The following LRP2 variants were observed in gnomAD, a reference collection of about 807,000 sequenced individuals.
The protein encoded by LRP2 is LDL receptor related protein 2.
LRP2 carries 172 observed loss-of-function variants against 531.0 expected under a neutral mutation model. The observed-to-expected ratio is 0.32, with a 90% CI of 0.29 to 0.37. LRP2 has a LOEUF of 0.37. Among genes scored for constraint, LRP2 ranks in the 10% least tolerant of loss-of-function variants. The pLI, the probability that LRP2 is intolerant of heterozygous loss-of-function variation, is 1.00. For synonymous variants in LRP2, 1,992 were observed against 2,027.6 expected (o/e 0.98, Z 0.47); for missense variants, 5,167 against 5,868.3 (o/e 0.88, Z 3.90).
intron 1 of LRP2, among the ~76,000 whole-genome samples, chr2:169,345,743 G>A (rs1685677536): frequency 1.6e-5 from 2 of 128,782 alleles, no homozygotes; most frequent in African/African-American, 6.7e-5. Context: ...AAAAGGAAAA[G>A]AGGGGGCGGT....
intron 57 of LRP2, among the ~76,000 whole-genome samples, chr2:169,172,858 T>G (rs763403994): frequency 6.6e-6 from 1 of 152,212 alleles, no homozygotes; most frequent in Non-Finnish European, 1.5e-5. Context: ...TTCTAACATC[T>G]TAATAACGTC....
At chr2:169,157,610 T>C (rs369250597) in intron 63 of LRP2, 108 bp from the exon 64 acceptor site, 1 of 1,264,548 alleles carries the variant, frequency 7.9e-7, no homozygotes, top group Non-Finnish European at 1.1e-6. Context: ...CATCTTGAGA[T>C]AACCCCTTTC....
At chr2:169,269,066 A>G (rs895985995) in intron 16 of LRP2, among the ~76,000 whole-genome samples, 3 of 152,196 alleles carry the variant, frequency 2.0e-5, no homozygotes, top group African/African-American at 7.2e-5. Flanking sequence ...GGACCTCTTC[A>G]AGGAGAACTA....
chr2:169,137,496 G>T lies in LRP2; in HGVS notation c.13519-3C>A. 1 of 1,541,498 alleles carries T rather than the reference G, an allele frequency of 6.5e-7. No homozygotes were observed. The highest frequency in any genetic ancestry group is 9.0e-7 in the Non-Finnish European group (1 of 1,114,412). ...ATTTCCATGACAAAGTCTTCACTCT[G>T]ATGGCAGAGACAGAAAGAGAGAGAG... is the stretch of plus-strand genomic sequence containing the variant. On this transcript the variant is annotated splice_polypyrimidine_tract_variant and splice_region_variant and intron_variant, in intron 75 of 78. Coordinates refer to ENST00000649046, the MANE Select transcript of LRP2 (RefSeq NM_004525.3).
In LRP2 at chr2:169,185,902, G is replaced by A; in HGVS notation, c.9446C>T (p.Thr3149Ile). ...TGTGCATTCATCAATATCAACACAA[G>A]TCCGCTTGTCAGACATGAGCTTGTA... ...PGYKLMSDKR[T>I]CVDIDECTEM... The change falls in exon 50 of 79, where the codon ACT becomes ATT. Residue 3149 changes from threonine to isoleucine, a missense_variant. Around this residue, in one of 6 missense-constraint regions of LRP2, gnomAD observed 1,129 missense variants for 1,362.7 expected, o/e 0.83. Coordinates refer to ENST00000649046, the MANE Select transcript of LRP2 (RefSeq NM_004525.3). The A allele has an allele frequency of 1.2e-6, 2 of 1,613,896 alleles. No homozygotes were observed. Among genetic ancestry groups the A allele is most frequent in the East Asian group, 2.2e-5 (1 of 44,868 alleles).
intron 3 of LRP2, among the ~76,000 whole-genome samples, chr2:169,317,447 A>G (rs1244635848): frequency 6.6e-6 from 1 of 152,200 alleles, no homozygotes; most frequent in Non-Finnish European, 1.5e-5. Flanking sequence ...TTGAGACTTG[A>G]GCAGCTTTTA....
intron 58 of LRP2, 103 bp downstream of exon 58, chr2:169,171,911 TC>T: frequency 7.2e-7 from 1 of 1,396,852 alleles, no homozygotes; most frequent in Admixed American, 1.7e-5. Context: ...CTTGATATCA[TC>T]CTACCCATTG....
At chr2:169,300,459 A>T (rs1376216942) in intron 4 of LRP2, among the ~76,000 whole-genome samples, 1 of 152,122 alleles carries the variant, frequency 6.6e-6, no homozygotes, top group Non-Finnish European at 1.5e-5. Context: ...TCAGTTGGAT[A>T]TATCACATAT....
intron 8 of LRP2, among the ~76,000 whole-genome samples, chr2:169,290,291 T>C (rs1040389150): frequency 4.0e-5 from 5 of 124,166 alleles, no homozygotes; most frequent in Admixed American, 1.6e-4. Flanking sequence ...TTTTTTTTTT[T>C]TTAGTACAGC....
chr2:169,182,077 G>A (rs1687459687), intron 51 of LRP2, 90 bp downstream of exon 51: 4 of 1,527,880 alleles, frequency 2.6e-6, no homozygotes, highest in Non-Finnish European at 2.7e-6. Flanking sequence ...CAAGACATTG[G>A]CCTTGAGATA....
rs192529079 is a variant in LRP2 at position 169,330,826 on chromosome 2, T to C, written c.80-9942A>G. 1.1e-3 allele frequency among the ~76,000 whole-genome samples: 168 copies of C among 151,850 alleles called. 1 individual carries two copies. Among genetic ancestry groups the C allele is most frequent in the African/African-American group, 4.0e-3 (164 of 41,384 alleles). ...CTTGGACAGTCAGAGCTCAAAATTA[T>C]CTTAGCCCACATGAAAGAGATCATC... On this transcript the variant is annotated intron_variant, in intron 1 of 78. Transcript: ENST00000649046.
Position 169,216,340 on chromosome 2 carries a change from G to A in LRP2, c.5739C>T (p.Leu1913=). The change falls in exon 35 of 79, where the codon CTC becomes CTT. Residue 1913 remains leucine, a synonymous_variant. Transcript: ENST00000649046. ...CCAGGTGTTCGAGGTTCCCAGTAAA[G>A]AGAGTTTTCACAGATGTGCCATCCA... ...ANMDGTSVKT[L]FTGNLEHLEC... is the part of the protein sequence containing the mutation. 2 of 1,613,666 alleles carry A rather than the reference G, an allele frequency of 1.2e-6. No individual in the cohort carries two copies. Among genetic ancestry groups the A allele is most frequent in the East Asian group, 2.2e-5 (1 of 44,882 alleles).
intron 53 of LRP2, among the ~76,000 whole-genome samples, chr2:169,177,581 A>C (rs1687245435): frequency 6.6e-6 from 1 of 152,148 alleles, no homozygotes; most frequent in Non-Finnish European, 1.5e-5. Context: ...TGAAGAATTG[A>C]GCGAGTTTTA....
intron 33 of LRP2, among the ~76,000 whole-genome samples, chr2:169,221,951 T>C (rs1574149280): frequency 6.6e-6 from 1 of 152,138 alleles, no homozygotes; most frequent in African/African-American, 2.4e-5. Flanking sequence ...AAAATTCAGC[T>C]ATAAAATTTC....
rs932365975 is a variant in LRP2 at position 169,188,347 on chromosome 2, C to T, written c.9033-82G>A. 5.6e-5 allele frequency: 74 copies of T among 1,317,092 alleles called. 2 individuals are homozygous for T. In the Admixed American group the frequency reaches 1.2e-3, roughly 21 times the overall value. 81.6% of individuals were successfully genotyped at this position (1,317,092 alleles called of 1,614,324 possible). A position where few individuals can be genotyped will look rare whatever the true frequency, so the allele number is the denominator to read the frequency against. ...TACCCACTTGGGGTTTTGCTTCCTT[C>T]TTTATCTACCTAAATGCCAGGTCAA... On this transcript the variant is annotated intron_variant, in intron 48 of 78. Transcript: ENST00000649046.
At chr2:169,151,055 C>A (rs1686100328) in intron 67 of LRP2, 29 bp from the exon 68 acceptor site, 2 of 1,613,254 alleles carry the variant, frequency 1.2e-6, no homozygotes, top group African/African-American at 2.7e-5. Flanking sequence ...AGTTAAACAA[C>A]TGCAAAGCCT....
chr2:169,168,332 A>T (rs1205062700), intron 61 of LRP2, among the ~76,000 whole-genome samples: 1 of 152,090 alleles, frequency 6.6e-6, no homozygotes, highest in African/African-American at 2.4e-5. Flanking sequence ...GCCATAATAC[A>T]TTTAAAAACA....
chr2:169,297,296 T>A (rs912747656), intron 4 of LRP2, among the ~76,000 whole-genome samples: 5 of 152,202 alleles, frequency 3.3e-5, no homozygotes, highest in Non-Finnish European at 7.3e-5. Context: ...TAAAGTCTTA[T>A]TTTTTGGTTC....
chr2:169,195,946 G>T (rs1054496934), intron 46 of LRP2, among the ~76,000 whole-genome samples: 1 of 152,064 alleles, frequency 6.6e-6, no homozygotes, highest in East Asian at 1.9e-4. Context: ...TTTTAAATAC[G>T]ATGTTAATAT....
Sources: allele counts gnomAD v4.1 joint callset (sites outside exome capture counted in the v4.1 genomes callset), GRCh38; gene constraint gnomAD v4.1.1; regional missense constraint gnomAD v4.1.1; transcripts MANE v1.5; gene names NCBI Gene and HGNC (gene_info 2026-07-23, HGNC 2026-07-21).